PIEZO2: variants seen among roughly 807,000 people sequenced by gnomAD.
PIEZO2 encodes piezo-type mechanosensitive ion channel component 2.
PIEZO2 carries 172 observed loss-of-function variants against 337.3 expected under a neutral mutation model. That is an observed-to-expected ratio of 0.51 (90% CI 0.45 to 0.58). PIEZO2 has a LOEUF of 0.58. Among genes scored for constraint, PIEZO2 ranks in the 20% least tolerant of loss-of-function variants. The pLI, the probability that PIEZO2 is intolerant of heterozygous loss-of-function variation, is 0.00. For synonymous variants in PIEZO2, 1,251 were observed against 1,228.5 expected (o/e 1.02, Z -0.38); for missense variants, 3,028 against 3,391.3 (o/e 0.89, Z 2.66).
rs1397285224 is a variant in PIEZO2 at position 10,813,978 on chromosome 18, T to C, written c.918-6704A>G. ...TGAGATGGGACACCATATATTTTTT[T>C]TTTTTTTGAGATGGAGTTTTGCTCT... On this transcript the variant is annotated intron_variant, in intron 7 of 55. Transcript: ENST00000674853. This position sits in a 1 kb window ranked among gnomAD's most constrained non-coding sequence, Gnocchi z 4.2. Among the ~76,000 whole-genome samples the C allele has an allele frequency of 6.6e-6, 1 of 151,906 alleles. No homozygotes were observed. Among genetic ancestry groups the C allele is most frequent in the Admixed American group, 6.6e-5 (1 of 15,250 alleles).
chr18:10,791,384 C>A, intron 13 of PIEZO2, 60 bp from the exon 14 acceptor site: 2 of 1,414,170 alleles, frequency 1.4e-6, no homozygotes, highest in Non-Finnish European at 1.9e-6. Context: ...TAAAAACATT[C>A]AACAAATGTA....
At chr18:10,760,836 T>G in intron 24 of PIEZO2, 75 bp downstream of exon 24, 2 of 1,243,682 alleles carry the variant, frequency 1.6e-6, no homozygotes, top group Non-Finnish European at 2.2e-6. Context: ...AAAGTTCCAG[T>G]GGCCAATTGG....
intron 27 of PIEZO2, among the ~76,000 whole-genome samples, chr18:10,753,143 C>T (rs2037709638): frequency 6.6e-6 from 1 of 152,200 alleles, no homozygotes; most frequent in Non-Finnish European, 1.5e-5. Context: ...CTGCCTACCA[C>T]TTGAGTATTC....
intron 7 of PIEZO2, among the ~76,000 whole-genome samples, chr18:10,810,439 T>C (rs955125044): frequency 1.3e-5 from 2 of 152,138 alleles, no homozygotes; most frequent in African/African-American, 2.4e-5. Context: ...CTCTAATTTC[T>C]CTTCTCTGCA....
At chr18:10,955,386 G>A (rs1417101727) in intron 3 of PIEZO2, among the ~76,000 whole-genome samples, 1 of 152,154 alleles carries the variant, frequency 6.6e-6, no homozygotes, top group African/African-American at 2.4e-5. Flanking sequence ...TGGTCTAGAT[G>A]TTTTCTTTCT....
intron 3 of PIEZO2, among the ~76,000 whole-genome samples, chr18:10,971,452 A>G (rs1188967404): frequency 6.6e-6 from 1 of 152,190 alleles, no homozygotes; most frequent in East Asian, 1.9e-4. Context: ...GTTATTAACA[A>G]GTTGACACAA....
intron 1 of PIEZO2, among the ~76,000 whole-genome samples, chr18:11,093,576 C>CTTTTTTT (rs67441841): frequency 5.3e-5 from 3 of 56,632 alleles, no homozygotes; most frequent in Non-Finnish European, 9.3e-5. Context: ...CACTCAACAT[C>CTTTTTTT]TTTTTTTTTT....
intron 1 of PIEZO2, among the ~76,000 whole-genome samples, chr18:11,113,277 C>A (rs7243804): frequency 6.6e-6 from 1 of 152,314 alleles, no homozygotes; most frequent in Admixed American, 6.5e-5. Flanking sequence ...ACCTCCAAGG[C>A]CAGACACAGG....
intron 1 of PIEZO2, among the ~76,000 whole-genome samples, chr18:11,082,618 A>C (rs1380393008): frequency 6.6e-6 from 1 of 152,188 alleles, no homozygotes; most frequent in East Asian, 1.9e-4. Context: ...CATATTTTTA[A>C]AACTTGGTTA....
chr18:10,925,754 G>T (rs1010134196), intron 3 of PIEZO2, among the ~76,000 whole-genome samples: 5 of 152,050 alleles, frequency 3.3e-5, no homozygotes, highest in African/African-American at 1.2e-4. Flanking sequence ...ATTTTTAGTA[G>T]AGACTGGTTT....
Position 10,877,970 on chromosome 18 carries a change from G to T in PIEZO2, c.330-6555C>A, listed in dbSNP as rs1156261510. ...AGCAAGTGTGCAGTCTTCTCCCTTGGCCAACTTCTCCCAGTATGCTTCAGG... is the reference window on the plus strand; with the variant it reads ...AGCAAGTGTGCAGTCTTCTCCCTTGTCCAACTTCTCCCAGTATGCTTCAGG... On this transcript the variant is annotated intron_variant, in intron 4 of 55. Transcript: ENST00000674853. The surrounding 1 kb of genome is among the most constrained non-coding windows in gnomAD (Gnocchi z 5.3). Among the ~76,000 whole-genome samples, 1 of 151,986 alleles carries T rather than the reference G, an allele frequency of 6.6e-6. No homozygotes were observed. Among genetic ancestry groups the T allele is most frequent in the Non-Finnish European group, 1.5e-5 (1 of 68,012 alleles).
chr18:10,856,900 G>T lies in PIEZO2; in HGVS notation c.703+101C>A. 1 of 1,083,084 alleles carries T rather than the reference G, an allele frequency of 9.2e-7. No homozygotes were observed. Among genetic ancestry groups the T allele is most frequent in the Non-Finnish European group, 1.3e-6 (1 of 747,868 alleles). The allele number at this position is 1,083,084 out of a possible 1,614,324, so 67.1% of individuals were successfully genotyped here. On this transcript the variant is annotated intron_variant, in intron 6 of 55. Transcript: ENST00000674853. The surrounding 1 kb of genome is among the most constrained non-coding windows in gnomAD (Gnocchi z 4.7). ...CTACAGTTATGATATTCATGTGGTG[G>T]AACAGACTGTTTCCTTCATTTCTTC...
rs11875269 is a variant in PIEZO2 at position 10,982,353 on chromosome 18, G to A, written c.161-2693C>T. Among the ~76,000 whole-genome samples the A allele has an allele frequency of 0.054, 8,272 of 151,886 alleles. 495 individuals carry two copies. Among genetic ancestry groups the A allele is most frequent in the African/African-American group, 0.14 (6,003 of 41,412 alleles). ...AACCTAAAAAAGAATGCTTAAGACC[G>A]TTCTTGACAAAATTGTAAAAAAAAA... is the stretch of plus-strand genomic sequence containing the variant. On this transcript the variant is annotated intron_variant, in intron 2 of 55. Transcript: ENST00000674853. The surrounding 1 kb of genome is among the most constrained non-coding windows in gnomAD (Gnocchi z 4.1).
chr18:11,055,080 A>G (rs9964148), intron 2 of PIEZO2, among the ~76,000 whole-genome samples: 10,307 of 151,966 alleles, frequency 0.068, 911 homozygotes, highest in African/African-American at 0.2. Context: ...GCGCGGTGGC[A>G]GGCGCCTGTA....
chr18:10,708,587 T>A (rs934139405), intron 39 of PIEZO2, 148 bp from the exon 40 acceptor site: 2 of 151,606 alleles, frequency 1.3e-5, no homozygotes, highest in African/African-American at 4.9e-5. Context: ...GCAGCGGGGC[T>A]CAGGGATGGG....
rs892098604 is a variant in PIEZO2 at position 10,853,926 on chromosome 18, C to A, written c.917+1427G>T. ...GAACATTGAAATTTCTCCAATTTAA[C>A]CCCAAAAAAGTTTTAAGAATTTGTT... is the stretch of plus-strand genomic sequence containing the variant. On this transcript the variant is annotated intron_variant, in intron 7 of 55. Transcript: ENST00000674853. The surrounding 1 kb of genome is among the most constrained non-coding windows in gnomAD (Gnocchi z 4.2). 6.6e-6 allele frequency among the ~76,000 whole-genome samples: 1 copy of A among 152,172 alleles called. No individual in the cohort carries two copies. Among genetic ancestry groups the A allele is most frequent in the African/African-American group, 2.4e-5 (1 of 41,430 alleles).
At position 10,682,094 on chromosome 18, in the gene PIEZO2, C is replaced by G. The variant is rs1451003427; in HGVS notation, c.7686+10G>C. On this transcript the variant is annotated intron_variant, in intron 50 of 55. Coordinates refer to ENST00000674853, the MANE Select transcript of PIEZO2 (RefSeq NM_001378183.1). The surrounding 1 kb of genome is among the most constrained non-coding windows in gnomAD (Gnocchi z 5.6). The stretch of plus-strand genomic sequence containing the variant: ...AAGGCTCTGGTAGGTGGGGTGTGCA[C>G]AGAGATCACCTGATACCCTCCCAGG... 1.3e-6 allele frequency: 2 copies of G among 1,532,222 alleles called. No homozygotes were observed. Among genetic ancestry groups the G allele is most frequent in the Non-Finnish European group, 1.7e-6 (2 of 1,144,130 alleles). The allele number at this position is 1,532,222 out of a possible 1,614,324, so 94.9% of individuals were successfully genotyped here. A position where few individuals can be genotyped will look rare whatever the true frequency, so the allele number is the denominator to read the frequency against.
chr18:11,041,656 G>A (rs376731041), intron 2 of PIEZO2, among the ~76,000 whole-genome samples: 5 of 151,952 alleles, frequency 3.3e-5, no homozygotes, highest in African/African-American at 4.8e-5. Flanking sequence ...ATTTTTCTAC[G>A]ATGTCAATTT....
At chr18:10,999,526 T>G (rs991098094) in intron 2 of PIEZO2, among the ~76,000 whole-genome samples, 15 of 152,178 alleles carry the variant, frequency 9.9e-5, no homozygotes, top group African/African-American at 3.6e-4. Flanking sequence ...ATTTATATAG[T>G]TTTTTGTAAT....
Sources: allele counts gnomAD v4.1 joint callset (sites outside exome capture counted in the v4.1 genomes callset), GRCh38; gene constraint gnomAD v4.1.1; non-coding constraint Gnocchi (gnomAD v3.1); transcripts MANE v1.5; gene names NCBI Gene and HGNC (gene_info 2026-07-23, HGNC 2026-07-21).